Variants in SRGAP1 observed in about 807,000 individuals in gnomAD.
SRGAP1 encodes the protein SLIT-ROBO Rho GTPase activating protein 1.
In SRGAP1, 43 loss-of-function variants were observed where a neutral mutation model predicts 121.9. The observed-to-expected ratio is 0.35, with a 90% CI of 0.28 to 0.46. SRGAP1 has a LOEUF of 0.46. SRGAP1 is among the 20% of genes least tolerant of loss of function. SRGAP1 has a pLI of 1.00. For missense variants in SRGAP1, 1,102 were observed against 1,350.9 expected (o/e 0.82, Z 2.89); for synonymous variants, 447 against 485.4 (o/e 0.92, Z 1.04).
chr12:64,010,785 G>C (rs1029474110), intron 3 of SRGAP1, among the ~76,000 whole-genome samples: 1 of 151,882 alleles, frequency 6.6e-6, no homozygotes, highest in African/African-American at 2.4e-5. Context: ...TTTTTTGTCA[G>C]TGGAAAAACT....
intron 1 of SRGAP1, among the ~76,000 whole-genome samples, chr12:63,868,534 T>A (rs975748910): frequency 1.3e-5 from 2 of 152,096 alleles, no homozygotes; most frequent in African/African-American, 4.8e-5. Flanking sequence ...CCTGGCTAAT[T>A]TTTTGTAGAG....
intron 15 of SRGAP1, among the ~76,000 whole-genome samples, chr12:64,104,064 A>G (rs2036300969): frequency 6.6e-6 from 1 of 152,236 alleles, no homozygotes; most frequent in African/African-American, 2.4e-5. Context: ...AGAAATTTGC[A>G]TCTTGTGATT....
At position 64,157,452 on chromosome 12, in the gene SRGAP1, A is replaced by C. The variant is rs1370241817; in HGVS notation, c.*14780A>C. The C allele has an allele frequency of 1.3e-5, 2 of 151,952 alleles. No homozygotes were observed. The highest frequency in any genetic ancestry group is 4.8e-5 in the African/African-American group (2 of 41,352). The allele number at this position is 151,952 out of a possible 1,614,324, so 9.4% of individuals were successfully genotyped here. A position where few individuals can be genotyped will look rare whatever the true frequency, so the allele number is the denominator to read the frequency against. On this transcript the variant is annotated 3_prime_UTR_variant, in exon 22 of 22. Coordinates refer to ENST00000355086, the MANE Select transcript of SRGAP1 (RefSeq NM_020762.4). ...GCTGCCACACTGGAAATGGGATAGA[A>C]TATCGTATAGCTATGAGAATTGCAA...
rs199871786 is a variant in SRGAP1, at chr12:64,097,296, C to A, written c.1734C>A (p.Gly578=). 1.2e-6 allele frequency: 2 copies of A among 1,611,500 alleles called. No individual in the cohort carries two copies. Among genetic ancestry groups the A allele is most frequent in the Non-Finnish European group, 1.7e-6 (2 of 1,179,420 alleles). ...ACCATGATATTAACTCAGTTGCTGGCGTTCTGAAGCTCTATTTCCGTGGGC... is the reference window on the plus strand; with the variant it reads ...ACCATGATATTAACTCAGTTGCTGGAGTTCTGAAGCTCTATTTCCGTGGGC... The part of the protein sequence containing the change: ...QSNHDINSVA[G]VLKLYFRGLE... The change falls in exon 15 of 22, where the codon GGC becomes GGA. Residue 578 remains glycine (G), a synonymous_variant. Transcript: ENST00000355086.
At chr12:64,021,981 A>C (rs1419093518) in intron 4 of SRGAP1, among the ~76,000 whole-genome samples, 1 of 152,198 alleles carries the variant, frequency 6.6e-6, no homozygotes, top group African/African-American at 2.4e-5. Flanking sequence ...GGGTTAAGAA[A>C]CCAGGGACAC....
chr12:63,917,873 T>C (rs2030859944), intron 1 of SRGAP1, among the ~76,000 whole-genome samples: 1 of 150,808 alleles, frequency 6.6e-6, no homozygotes, highest in Non-Finnish European at 1.5e-5. Context: ...CTGTGTTGTT[T>C]ATCCTACAGA....
At chr12:64,141,100 T>C (rs36153992) in intron 21 of SRGAP1, among the ~76,000 whole-genome samples, 4 of 140,668 alleles carry the variant, frequency 2.8e-5, no homozygotes, top group Admixed American at 2.8e-4. Context: ...GGAAGGGGAA[T>C]ATCACACTCT....
intron 6 of SRGAP1, among the ~76,000 whole-genome samples, chr12:64,054,869 C>T (rs1186907188): frequency 2.0e-3 from 266 of 134,392 alleles, no homozygotes; most frequent in East Asian, 2.3e-3. Flanking sequence ...GTATATCTCC[C>T]AATGCTATCC....
intron 1 of SRGAP1, among the ~76,000 whole-genome samples, chr12:63,881,580 G>A (rs556664534): frequency 1.3e-5 from 2 of 152,256 alleles, no homozygotes; most frequent in Non-Finnish European, 2.9e-5. Context: ...AGTAATAATA[G>A]TACTGAGGCC....
chr12:64,144,233 T>TTTGTTGTTTGTTGTTGTTG lies in SRGAP1; in HGVS notation c.*1569_*1570insTGTTGTTGTTGTTGTTGTT, dbSNP rs2037013887. 1 of 151,270 alleles carries TTTGTTGTTTGTTGTTGTTG rather than the reference T, an allele frequency of 6.6e-6. No individual in the cohort carries two copies. The highest frequency in any genetic ancestry group is 2.0e-4 in the East Asian group (1 of 5,086). 9.4% of individuals were successfully genotyped at this position (151,270 alleles called of 1,614,324 possible). On this transcript the variant is annotated 3_prime_UTR_variant, in exon 22 of 22. Transcript: ENST00000355086. ...ATCATTGAAGTTACTGATAAAGATT[T>TTTGTTGTTTGTTGTTGTTG]TTGTTGTTGTTGTTGTTGTTGGGAG... is the stretch of plus-strand genomic sequence containing the variant.
At chr12:64,077,864 T>TA (rs1321519983) in intron 8 of SRGAP1, among the ~76,000 whole-genome samples, 25 of 152,248 alleles carry the variant, frequency 1.6e-4, no homozygotes, top group African/African-American at 6.0e-4. Flanking sequence ...TTGCAACACA[T>TA]ACAACTACAA....
At chr12:63,872,779 TC>T (rs1405317889) in intron 1 of SRGAP1, among the ~76,000 whole-genome samples, 1 of 152,236 alleles carries the variant, frequency 6.6e-6, no homozygotes, top group Non-Finnish European at 1.5e-5. Flanking sequence ...ACAGTCCATG[TC>T]TTTTTGTGGT....
At chr12:63,894,469 CTCTT>C (rs1259238049) in intron 1 of SRGAP1, among the ~76,000 whole-genome samples, 1 of 150,710 alleles carries the variant, frequency 6.6e-6, no homozygotes, top group Admixed American at 6.6e-5. Context: ...GTAGCTCACT[CTCTT>C]TTTTTTTTTT....
intron 1 of SRGAP1, among the ~76,000 whole-genome samples, chr12:63,876,495 G>GT (rs1414741162): frequency 6.6e-6 from 1 of 152,170 alleles, no homozygotes; most frequent in Non-Finnish European, 1.5e-5. Context: ...ATGGAAATAT[G>GT]TTTAACTGTG....
At chr12:63,942,302 A>T (rs988834770) in intron 1 of SRGAP1, among the ~76,000 whole-genome samples, 1 of 152,264 alleles carries the variant, frequency 6.6e-6, no homozygotes, top group Admixed American at 6.5e-5. Flanking sequence ...AGTAATACTT[A>T]TAGCTAGATT....
At chr12:64,018,511 T>C (rs2034466706) in intron 4 of SRGAP1, among the ~76,000 whole-genome samples, 1 of 152,240 alleles carries the variant, frequency 6.6e-6, no homozygotes, top group Non-Finnish European at 1.5e-5. Context: ...ATTAAATTTT[T>C]AATGCTCCTT....
intron 10 of SRGAP1, among the ~76,000 whole-genome samples, chr12:64,084,753 A>G (rs2035908804): frequency 6.6e-6 from 1 of 152,154 alleles, no homozygotes; most frequent in Non-Finnish European, 1.5e-5. Flanking sequence ...ATTTGTTAGG[A>G]TATTGTTACA....
chr12:64,004,791 T>C lies in SRGAP1; in HGVS notation c.427-12159T>C, dbSNP rs2034027695. On this transcript the variant is annotated intron_variant, in intron 3 of 21. Transcript: ENST00000355086. ...GAGGAGAGAACATTCCTACCATATG[T>C]TGAGGTGTCTGCAGTTGAGTCAACA... 2.0e-5 allele frequency among the ~76,000 whole-genome samples: 3 copies of C among 152,346 alleles called. No homozygotes were observed. In the South Asian group the frequency reaches 6.2e-4, roughly 32 times the overall value.
Position 64,107,412 on chromosome 12 carries a change from TAGG to T in SRGAP1, c.1814-1517_1814-1515del, listed in dbSNP as rs1002795459. 4.6e-5 allele frequency among the ~76,000 whole-genome samples: 7 copies of T among 152,132 alleles called. No individual in the cohort carries two copies. The South Asian group carries it at 8.3e-4, about 18-fold the overall frequency. On this transcript the variant is annotated intron_variant, in intron 15 of 21. Transcript: ENST00000355086. ...GAGGAATCGGAAAGGGAAACTGAGT[TAGG>T]AGAGTATTTTGATAGTCTAAGTTAG... is the stretch of plus-strand genomic sequence containing the variant.
Sources: gnomAD v4.1 joint callset for allele counts (sites outside exome capture counted in the v4.1 genomes callset) on GRCh38, gnomAD v4.1.1 for gene constraint, MANE v1.5 for transcripts, NCBI Gene and HGNC (gene_info 2026-07-23, HGNC 2026-07-21) for gene names.